The following PAK3 variants were observed in gnomAD, a reference collection of about 807,000 sequenced individuals.
The protein encoded by PAK3 is p21 (RAC1) activated kinase 3, also known as serine/threonine-protein kinase PAK 3.
A neutral mutation model predicts 41.0 loss-of-function variants in PAK3; 4 were observed. The ratio of observed to expected loss-of-function variants is 0.10; its 90% CI spans 0.05 to 0.22. PAK3 has a LOEUF of 0.22. Ranked by LOEUF, PAK3 falls within the 10% of genes least tolerant of loss-of-function variation. PAK3 has a pLI of 1.00. For missense variants in PAK3, 205 were observed against 409.9 expected (o/e 0.50, Z 4.32); for synonymous variants, 146 against 139.6 (o/e 1.05, Z -0.32).
In PAK3 at chrX:111,118,735, TAAATAGTTATGTCTAAATATG is replaced by T. The variant is rs1245810525; in HGVS notation, c.-27-4317_-27-4297del. On this transcript the variant is annotated intron_variant, in intron 4 of 17. Transcript: ENST00000372007. ...AGTTTTCATTGGAAAAATATAAAAA[TAAATAGTTATGTCTAAATATG>T]AAATAGTTATGTCTAAATATGAAAA... 3.6e-5 allele frequency among the ~76,000 whole-genome samples: 4 copies of T among 111,449 alleles called. 1 individual carries two copies. Among genetic ancestry groups the T allele is most frequent in the Admixed American group, 1.9e-4 (2 of 10,453 alleles).
At chrX:111,216,383 T>A in intron 16 of PAK3, 38 bp from the exon 17 acceptor site, 2 of 1,081,190 alleles carry the variant, frequency 1.8e-6, no homozygotes, top group Non-Finnish European at 1.3e-6. Flanking sequence ...GATTTTAATA[T>A]GTATGTGCTG....
At chrX:111,141,113 A>G (rs1026833989) in intron 5 of PAK3, among the ~76,000 whole-genome samples, 1 of 111,392 alleles carries the variant, frequency 9.0e-6, no homozygotes, top group Non-Finnish European at 1.9e-5. Flanking sequence ...CAGCCTCACC[A>G]GAGATACATG....
chrX:111,084,442 G>T (rs186943846), intron 1 of PAK3, among the ~76,000 whole-genome samples: 23 of 112,821 alleles, frequency 2.0e-4, no homozygotes, highest in Admixed American at 1.4e-3. Context: ...AACAAAATAA[G>T]CACAGGCTAT....
At chrX:111,020,151 AAGTT>A (rs930006704) in intron 1 of PAK3, among the ~76,000 whole-genome samples, 2 of 112,327 alleles carry the variant, frequency 1.8e-5, no homozygotes, top group African/African-American at 6.5e-5. Context: ...CAATAGCTAA[AAGTT>A]AGAAGCATCC....
intron 11 of PAK3, among the ~76,000 whole-genome samples, chrX:111,187,950 C>CAT (rs3066971): frequency 0.022 from 2,148 of 97,058 alleles, 39 homozygotes; most frequent in Admixed American, 0.063. Flanking sequence ...TAGGGAAATG[C>CAT]ATATATATAT....
intron 1 of PAK3, among the ~76,000 whole-genome samples, chrX:111,088,301 G>A (rs1051520898): frequency 8.9e-6 from 1 of 111,752 alleles, no homozygotes; most frequent in Non-Finnish European, 1.9e-5. Flanking sequence ...GGTTCAGAGG[G>A]ACTAAATACG....
chrX:111,173,412 C>T (rs1289647246), intron 11 of PAK3, among the ~76,000 whole-genome samples: 1 of 110,901 alleles, frequency 9.0e-6, no homozygotes, highest in Non-Finnish European at 1.9e-5. Flanking sequence ...ACGTAAAAAC[C>T]CCCTTTATCG....
At chrX:111,158,612 A>G (rs928997573) in intron 8 of PAK3, among the ~76,000 whole-genome samples, 6 of 111,932 alleles carry the variant, frequency 5.4e-5, no homozygotes, top group South Asian at 3.8e-4. Context: ...TATCCACTCA[A>G]TGCCATACAT....
intron 1 of PAK3, among the ~76,000 whole-genome samples, chrX:111,087,276 A>T (rs1476141973): frequency 1.8e-5 from 2 of 110,526 alleles, no homozygotes; most frequent in African/African-American, 6.6e-5. Flanking sequence ...CAGTTAATTG[A>T]TATTTATTTA....
intron 14 of PAK3, among the ~76,000 whole-genome samples, chrX:111,195,174 CT>C (rs1030309884): frequency 8.3e-4 from 91 of 110,024 alleles, no homozygotes; most frequent in Middle Eastern, 4.6e-3. Context: ...CTAATCTCTG[CT>C]TTTTTTTTAT....
At chrX:110,984,313 G>A (rs1040544777) in intron 1 of PAK3, among the ~76,000 whole-genome samples, 6 of 111,905 alleles carry the variant, frequency 5.4e-5, no homozygotes, top group African/African-American at 2.0e-4. Flanking sequence ...CATAGACTCA[G>A]GAAAGCACAA....
chrX:111,202,392 G>A (rs1157516165), intron 16 of PAK3, among the ~76,000 whole-genome samples: 1 of 111,111 alleles, frequency 9.0e-6, no homozygotes, highest in African/African-American at 3.3e-5. Context: ...GTCCCCCACT[G>A]CCTGAAGTCT....
intron 1 of PAK3, among the ~76,000 whole-genome samples, chrX:110,948,928 T>C (rs1317655948): frequency 1.8e-5 from 2 of 112,147 alleles, no homozygotes; most frequent in African/African-American, 6.5e-5. Flanking sequence ...GTGGGGGACA[T>C]TCATAGAATG....
chrX:111,213,966 G>C (rs949494872), intron 16 of PAK3, among the ~76,000 whole-genome samples: 1 of 111,587 alleles, frequency 9.0e-6, no homozygotes, highest in African/African-American at 3.3e-5. Flanking sequence ...TTGTATGTTG[G>C]CATGGAGGTC....
chrX:111,004,557 G>T (rs940824155), intron 1 of PAK3, among the ~76,000 whole-genome samples: 1 of 112,437 alleles, frequency 8.9e-6, no homozygotes, highest in African/African-American at 3.2e-5. Context: ...GAAGCTATGT[G>T]AAATATTATA....
intron 16 of PAK3, among the ~76,000 whole-genome samples, chrX:111,212,870 C>T (rs2094836510): frequency 9.0e-6 from 1 of 111,726 alleles, no homozygotes; most frequent in Non-Finnish European, 1.9e-5. Flanking sequence ...AATTAAGTCA[C>T]CAACAATCCT....
intron 4 of PAK3, among the ~76,000 whole-genome samples, chrX:111,112,475 T>C (rs1294264401): frequency 9.1e-6 from 1 of 110,061 alleles, no homozygotes. Context: ...GGGGTCAACT[T>C]TGTTCATCTC....
intron 1 of PAK3, among the ~76,000 whole-genome samples, chrX:110,982,860 C>A (rs1486241223): frequency 1.8e-5 from 2 of 110,240 alleles, no homozygotes; most frequent in Non-Finnish European, 3.8e-5. Flanking sequence ...CGAAGCCTTT[C>A]CTAGGCCATT....
At chrX:111,057,565 C>A (rs770379749) in intron 1 of PAK3, among the ~76,000 whole-genome samples, 11 of 111,868 alleles carry the variant, frequency 9.8e-5, no homozygotes, top group Non-Finnish European at 2.1e-4. Context: ...ATCCTTATAT[C>A]ATTTAATATC....
Sources: gnomAD v4.1 joint callset for allele counts (sites outside exome capture counted in the v4.1 genomes callset) on GRCh38, gnomAD v4.1.1 for gene constraint, MANE v1.5 for transcripts, NCBI Gene and HGNC (gene_info 2026-07-23, HGNC 2026-07-21) for gene names.